Variants in DOCK3 observed in about 807,000 individuals in gnomAD.
DOCK3 encodes the protein dedicator of cytokinesis protein 3.
A neutral mutation model predicts 265.6 loss-of-function variants in DOCK3; 60 were observed. The ratio of observed to expected loss-of-function variants is 0.23; its 90% CI spans 0.18 to 0.28. DOCK3 has a LOEUF of 0.28. DOCK3 is among the 10% of genes least tolerant of loss of function. The pLI, the probability that DOCK3 is intolerant of heterozygous loss-of-function variation, is 1.00. For missense variants in DOCK3, 1,981 were observed against 2,594.3 expected, an observed-to-expected ratio of 0.76 and a Z score of 5.14; for synonymous variants, 881 against 938.0, an observed-to-expected ratio of 0.94 and a Z score of 1.11.
intron 2 of DOCK3, among the ~76,000 whole-genome samples, chr3:50,814,102 A>C (rs557324840): frequency 7.9e-5 from 12 of 152,218 alleles, no homozygotes; most frequent in Admixed American, 7.2e-4. Context: ...ATACTTCATG[A>C]TAGATTTTAA....
At chr3:50,888,592 G>A (rs1192184610) in intron 3 of DOCK3, among the ~76,000 whole-genome samples, 1 of 152,050 alleles carries the variant, frequency 6.6e-6, no homozygotes. Context: ...GAGGCATCAT[G>A]CTACCTGACT....
chr3:50,797,707 T>C (rs955453322), intron 2 of DOCK3, among the ~76,000 whole-genome samples: 1 of 152,232 alleles, frequency 6.6e-6, no homozygotes, highest in Non-Finnish European at 1.5e-5. Context: ...TTTTTGATGA[T>C]AGCCATTTTA....
At chr3:50,904,786 C>T (rs2049389841) in intron 4 of DOCK3, among the ~76,000 whole-genome samples, 1 of 152,026 alleles carries the variant, frequency 6.6e-6, no homozygotes, top group Non-Finnish European at 1.5e-5. Context: ...TAATTAGATC[C>T]CATTTGTCTA....
chr3:50,756,381 C>A (rs978462466), intron 1 of DOCK3, among the ~76,000 whole-genome samples: 1 of 152,110 alleles, frequency 6.6e-6, no homozygotes, highest in African/African-American at 2.4e-5. Flanking sequence ...GCCTGACATT[C>A]TGGGAGCGGG....
chr3:50,727,467 G>T (rs1392471765), intron 1 of DOCK3, among the ~76,000 whole-genome samples: 1 of 152,158 alleles, frequency 6.6e-6, no homozygotes, highest in Non-Finnish European at 1.5e-5. Flanking sequence ...GGAGGCCGAG[G>T]TGGGCAGATC....
At chr3:50,817,160 C>G (rs2085588) in intron 2 of DOCK3, among the ~76,000 whole-genome samples, 130,319 of 152,188 alleles carry the variant, frequency 0.86, 56,092 homozygotes, top group East Asian at 0.95. Context: ...GTTGCCATGG[C>G]GTTTGTAAAC....
intron 5 of DOCK3, among the ~76,000 whole-genome samples, chr3:50,960,719 T>A (rs1356289684): frequency 6.6e-6 from 1 of 152,170 alleles, no homozygotes. Flanking sequence ...ATCCATTTTT[T>A]AAATGTATTG....
chr3:51,112,446 A>G (rs1373731405), intron 9 of DOCK3, among the ~76,000 whole-genome samples: 1 of 152,244 alleles, frequency 6.6e-6, no homozygotes, highest in Non-Finnish European at 1.5e-5. Context: ...AGAACCTTTT[A>G]GATGGTGGAA....
At chr3:50,923,509 T>C (rs998037312) in intron 4 of DOCK3, among the ~76,000 whole-genome samples, 4 of 152,244 alleles carry the variant, frequency 2.6e-5, no homozygotes, top group African/African-American at 9.6e-5. Context: ...TTTTATAATG[T>C]TTCTCTTTTG....
chr3:50,715,361 G>A (rs2037036910), intron 1 of DOCK3, among the ~76,000 whole-genome samples: 1 of 151,956 alleles, frequency 6.6e-6, no homozygotes, highest in Admixed American at 6.6e-5. Flanking sequence ...GGCCAGCCTG[G>A]GCAACATAGT....
chr3:51,298,509 A>G (rs1281951289), intron 27 of DOCK3, among the ~76,000 whole-genome samples: 3 of 152,174 alleles, frequency 2.0e-5, no homozygotes, highest in African/African-American at 7.2e-5. Context: ...TCAACCCATT[A>G]CATAGGTATT....
chr3:50,854,610 T>TTTTGG (rs2046501151), intron 3 of DOCK3, among the ~76,000 whole-genome samples: 1 of 145,452 alleles, frequency 6.9e-6, no homozygotes, highest in Non-Finnish European at 1.5e-5. Flanking sequence ...TTTTTTTTTT[T>TTTTGG]GGTGGTCTCA....
At chr3:51,065,735 G>A (rs1361416932) in intron 6 of DOCK3, among the ~76,000 whole-genome samples, 2 of 152,160 alleles carry the variant, frequency 1.3e-5, no homozygotes, top group Non-Finnish European at 2.9e-5. Context: ...AGTATAATGA[G>A]CAGATTGCTC....
intron 12 of DOCK3, among the ~76,000 whole-genome samples, chr3:51,173,347 T>G (rs1351011129): frequency 6.6e-6 from 1 of 152,208 alleles, no homozygotes; most frequent in Non-Finnish European, 1.5e-5. Flanking sequence ...GATCTCAAAC[T>G]CCTGGGCTCA....
chr3:50,877,184 C>T, intron 3 of DOCK3: 1 of 323,118 alleles, frequency 3.1e-6, no homozygotes, highest in Non-Finnish European at 6.1e-6. Flanking sequence ...ATACTGAGCT[C>T]CTGAATGTCA....
At chr3:51,190,199 ATAAGAG>A (rs1487536299) in intron 12 of DOCK3, among the ~76,000 whole-genome samples, 1 of 152,166 alleles carries the variant, frequency 6.6e-6, no homozygotes, top group Non-Finnish European at 1.5e-5. Context: ...CCCCCTTTCC[ATAAGAG>A]TAAGAGTCCC....
intron 4 of DOCK3, among the ~76,000 whole-genome samples, chr3:50,928,610 A>G (rs1251816862): frequency 1.3e-5 from 2 of 152,056 alleles, no homozygotes; most frequent in African/African-American, 2.4e-5. Flanking sequence ...ATTCTATTGC[A>G]TATTATTGGT....
At chr3:50,962,496 AAC>A (rs2076915840) in intron 5 of DOCK3, among the ~76,000 whole-genome samples, 1 of 152,200 alleles carries the variant, frequency 6.6e-6, no homozygotes, top group Non-Finnish European at 1.5e-5. Flanking sequence ...CCTGCCATGG[AAC>A]ACAGTTATAT....
chr3:50,786,281 C>A (rs941005344), intron 2 of DOCK3, among the ~76,000 whole-genome samples: 4 of 151,942 alleles, frequency 2.6e-5, no homozygotes, highest in Non-Finnish European at 5.9e-5. Flanking sequence ...TTATAAAATT[C>A]TAGAAGTCTG....
Sources: gnomAD v4.1 joint callset for allele counts (sites outside exome capture counted in the v4.1 genomes callset) on GRCh38, gnomAD v4.1.1 for gene constraint, MANE v1.5 for transcripts, NCBI Gene and HGNC (gene_info 2026-07-23, HGNC 2026-07-21) for gene names.